CEACAM21: variants seen among roughly 807,000 people sequenced by gnomAD.
CEACAM21 encodes the protein cell adhesion molecule CEACAM21.
CEACAM21 carries 38 observed loss-of-function variants against 33.2 expected under a neutral mutation model. That is an observed-to-expected ratio of 1.14 (90% CI 0.88 to 1.50). CEACAM21 has a LOEUF of 1.50. Among genes scored for constraint, CEACAM21 ranks in the 40% most tolerant of loss-of-function variants. The pLI is 0.00. For synonymous variants in CEACAM21, 156 were observed against 143.0 expected, an observed-to-expected ratio of 1.09 and a Z score of -0.65; for missense variants, 385 against 364.6, an observed-to-expected ratio of 1.06 and a Z score of -0.46.
At chr19:41,585,238 C>T (rs569192262) in intron 4 of CEACAM21, among the ~76,000 whole-genome samples, 1 of 152,264 alleles carries the variant, frequency 6.6e-6, no homozygotes, top group South Asian at 2.1e-4. Context: ...GCCTGAGAGT[C>T]CTTCCCCTCT....
intron 3 of CEACAM21, among the ~76,000 whole-genome samples, chr19:41,581,085 G>T (rs949947528): frequency 1.2e-4 from 18 of 152,212 alleles, no homozygotes; most frequent in African/African-American, 4.1e-4. Flanking sequence ...CCCAAAACTG[G>T]TCATAAACAA....
intron 1 of CEACAM21, 31 bp from the exon 2 acceptor site, chr19:41,577,169 A>G (rs782516405): frequency 2.5e-6 from 4 of 1,613,012 alleles, no homozygotes; most frequent in Admixed American, 1.7e-5. Context: ...GCATAGGTCA[A>G]ATATTGACTG....
chr19:41,564,035 C>A (rs1308172692), intron 1 of CEACAM21, among the ~76,000 whole-genome samples: 2 of 152,224 alleles, frequency 1.3e-5, no homozygotes, highest in African/African-American at 4.8e-5. Flanking sequence ...ATCGCCATGG[C>A]AACAACACAT....
At chr19:41,550,889 G>A (rs1461119490) in intron 1 of CEACAM21, among the ~76,000 whole-genome samples, 1 of 152,082 alleles carries the variant, frequency 6.6e-6, no homozygotes, top group African/African-American at 2.4e-5. Context: ...ATCATGAAAA[G>A]GAATTTATTT....
At chr19:41,576,034 T>C (rs2042915136), upstream of CEACAM21, 3 of 573,980 alleles carry the variant, frequency 5.2e-6, no homozygotes, top group South Asian at 2.1e-5. Flanking sequence ...GAACCAAATA[T>C]AGGCAAAAAG....
intron 2 of CEACAM21, among the ~76,000 whole-genome samples, chr19:41,567,892 C>T (rs539790190): frequency 9.3e-6 from 1 of 108,066 alleles, no homozygotes; most frequent in Non-Finnish European, 1.7e-5. Flanking sequence ...GAGGAAGATG[C>T]AGTAAAAAAA....
At chr19:41,574,511 T>C (rs1555790367), upstream of CEACAM21, among the ~76,000 whole-genome samples, 1 of 151,900 alleles carries the variant, frequency 6.6e-6, no homozygotes, top group African/African-American at 2.4e-5. Context: ...GATAACCCAT[T>C]TTTTTTAAAC....
intron 2 of CEACAM21, among the ~76,000 whole-genome samples, chr19:41,569,248 G>C (rs2042451507): frequency 1.3e-5 from 2 of 149,450 alleles, no homozygotes; most frequent in Non-Finnish European, 3.0e-5. Flanking sequence ...GTCTCGCTCT[G>C]TTACCTACAC....
intron 1 of CEACAM21, among the ~76,000 whole-genome samples, chr19:41,561,894 T>C (rs895195689): frequency 1.3e-5 from 2 of 152,294 alleles, no homozygotes; most frequent in Admixed American, 6.5e-5. Context: ...ATAGAAAAAG[T>C]ACTAATATAA....
At position 41,577,507 on chromosome 19, in the gene CEACAM21, C is replaced by T. The variant is rs2043038252; in HGVS notation, c.372C>T (p.Val124=). 3.7e-6 allele frequency: 6 copies of T among 1,614,066 alleles called. No individual in the cohort carries two copies. Among genetic ancestry groups the T allele is most frequent in the Non-Finnish European group, 5.1e-6 (6 of 1,179,988 alleles). ...ACACGGGATACTACAACCTACAAGT[C>T]ACATACAGAAATTCTCAGATTGAAC... ...LEDTGYYNLQ[V]TYRNSQIEQA... is the part of the protein sequence containing the mutation. Residue 124 remains valine, a synonymous_variant, in exon 2 of 7, where the codon GTC becomes GTT. Coordinates refer to ENST00000401445, the MANE Select transcript of CEACAM21 (RefSeq NM_001098506.4).
chr19:41,579,862 G>A (rs918937082), intron 3 of CEACAM21, among the ~76,000 whole-genome samples: 3 of 152,174 alleles, frequency 2.0e-5, no homozygotes, highest in Non-Finnish European at 4.4e-5. Flanking sequence ...TTCCTCATCT[G>A]TAGAATTGTT....
chr19:41,580,690 C>A (rs1362456245), intron 3 of CEACAM21, among the ~76,000 whole-genome samples: 1 of 152,190 alleles, frequency 6.6e-6, no homozygotes, highest in African/African-American at 2.4e-5. Flanking sequence ...CCAGATGCAC[C>A]ACACTCCAGA....
At chr19:41,583,576 T>TG (rs1285641965) in intron 3 of CEACAM21, among the ~76,000 whole-genome samples, 5 of 152,222 alleles carry the variant, frequency 3.3e-5, no homozygotes, top group African/African-American at 1.2e-4. Context: ...TCCACATGGC[T>TG]GGAGAGGTCT....
At chr19:41,579,685 G>A (rs1448276027) in intron 3 of CEACAM21, 57 bp downstream of exon 3, 21 of 1,240,870 alleles carry the variant, frequency 1.7e-5, no homozygotes, top group Middle Eastern at 2.8e-4. Context: ...TAGGAGGGAG[G>A]GGGGGTGTAA....
At chr19:41,562,734 CTT>C (rs59956903) in intron 1 of CEACAM21, among the ~76,000 whole-genome samples, 4 of 146,588 alleles carry the variant, frequency 2.7e-5, no homozygotes, top group Non-Finnish European at 3.0e-5. Context: ...TTTCTTTTTT[CTT>C]TTTTTTTTTG....
chr19:41,571,388 A>G (rs2042604092), upstream of CEACAM21, among the ~76,000 whole-genome samples: 1 of 152,204 alleles, frequency 6.6e-6, no homozygotes, highest in Non-Finnish European at 1.5e-5. Context: ...CAGGAATGAC[A>G]TGGGCTTTCC....
chr19:41,571,209 A>G (rs949206879), upstream of CEACAM21, among the ~76,000 whole-genome samples: 10 of 151,816 alleles, frequency 6.6e-5, no homozygotes. Context: ...ATCTCTAATA[A>G]CAATTCACCA....
At chr19:41,586,208 C>G (rs1555795423) in intron 6 of CEACAM21, 1 of 557,540 alleles carries the variant, frequency 1.8e-6, no homozygotes. Flanking sequence ...GAGTGGGGGC[C>G]ACAGATATTC....
chr19:41,577,495 C>A lies in CEACAM21; in HGVS notation c.360C>A (p.Tyr120Ter). The A allele has an allele frequency of 6.2e-7, 1 of 1,614,128 alleles. No homozygotes were observed. Among genetic ancestry groups the A allele is most frequent in the Non-Finnish European group, 8.5e-7 (1 of 1,180,024 alleles). Residue 120 changes from tyrosine (Y) to a stop codon, truncating the protein, a stop_gained, in exon 2 of 7, where the codon TAC becomes TAA. Coordinates refer to ENST00000401445, the MANE Select transcript of CEACAM21 (RefSeq NM_001098506.4). LOFTEE classifies it high-confidence loss of function. ...TCACCCTAGAGGACACGGGATACTACAACCTACAAGTCACATACAGAAATT... is the reference window on the plus strand; with the variant it reads ...TCACCCTAGAGGACACGGGATACTAAAACCTACAAGTCACATACAGAAATT... ...QNVTLEDTGYYNLQVTYRNSQ... is the reference protein window; with the variant it reads ...QNVTLEDTGY
Sources: gnomAD v4.1 joint callset for allele counts (sites outside exome capture counted in the v4.1 genomes callset) on GRCh38, gnomAD v4.1.1 for gene constraint, MANE v1.5 for transcripts, NCBI Gene and HGNC (gene_info 2026-07-23, HGNC 2026-07-21) for gene names.